PACRG: variants seen among roughly 807,000 people sequenced by gnomAD.
The protein encoded by PACRG is parkin coregulated gene protein.
PACRG carries 29 observed loss-of-function variants against 29.7 expected under a neutral mutation model. The observed-to-expected ratio is 0.98, with a 90% CI of 0.73 to 1.33. PACRG has a LOEUF of 1.33. PACRG is among the 40% of genes most tolerant of loss of function. The pLI is 0.00. For synonymous variants in PACRG, 116 were observed against 118.7 expected, an observed-to-expected ratio of 0.98 and a Z score of 0.15; for missense variants, 279 against 316.2, an observed-to-expected ratio of 0.88 and a Z score of 0.89.
rs557120318 is a variant in PACRG, at chr6:163,050,108, T to G, written c.292-12042T>G. ...ATTCACAAACACTTTTTATTATTGCTTACATATTTGGATCCATTCTACGTA... is the reference window on the plus strand; with the variant it reads ...ATTCACAAACACTTTTTATTATTGCGTACATATTTGGATCCATTCTACGTA... On this transcript the variant is annotated intron_variant, in intron 2 of 4. Transcript: ENST00000366888. 9.2e-5 allele frequency among the ~76,000 whole-genome samples: 14 copies of G among 152,274 alleles called. 1 individual carries two copies. In the South Asian group the frequency reaches 2.7e-3, roughly 29 times the overall value.
At chr6:162,856,001 G>A (rs1396153045) in intron 2 of PACRG, among the ~76,000 whole-genome samples, 1 of 152,164 alleles carries the variant, frequency 6.6e-6, no homozygotes, top group Non-Finnish European at 1.5e-5. Context: ...TTGACCGGGA[G>A]GGCCACTTAT....
chr6:163,088,699 A>AT (rs574055257), intron 3 of PACRG, among the ~76,000 whole-genome samples: 159 of 151,332 alleles, frequency 1.1e-3, no homozygotes, highest in Non-Finnish European at 2.0e-3. Flanking sequence ...ACTTTAAAAA[A>AT]TTTTGCTTTT....
chr6:163,166,340 T>C, intron 4 of PACRG: 1 of 396,260 alleles, frequency 2.5e-6, no homozygotes, highest in Non-Finnish European at 5.1e-6. Context: ...ATTATTTTGT[T>C]AATTGGTATA....
intron 2 of PACRG, among the ~76,000 whole-genome samples, chr6:162,924,656 T>A: frequency 6.6e-6 from 1 of 152,100 alleles, no homozygotes; most frequent in East Asian, 1.9e-4. Context: ...ATAATACAGT[T>A]TTTGTCCTTC....
At chr6:162,970,006 C>A (rs1324475791) in intron 2 of PACRG, among the ~76,000 whole-genome samples, 1 of 152,080 alleles carries the variant, frequency 6.6e-6, no homozygotes, top group East Asian at 1.9e-4. Flanking sequence ...GCTGATAGGC[C>A]GGGTGCAGTA....
chr6:162,887,956 T>TG, intron 2 of PACRG, among the ~76,000 whole-genome samples: 1 of 152,284 alleles, frequency 6.6e-6, no homozygotes, highest in African/African-American at 2.4e-5. Flanking sequence ...CTCCCGGTTC[T>TG]GGGGGTGGTA....
chr6:162,860,590 CA>C lies in PACRG; in HGVS notation c.291+46310del, dbSNP rs1455205217. 5.9e-5 allele frequency among the ~76,000 whole-genome samples: 9 copies of C among 152,272 alleles called. No individual in the cohort carries two copies. The East Asian group carries it at 1.2e-3, about 20-fold the overall frequency. ...GCTATTATTTTATCTGCCCAAAATA[CA>C]GATTTTCTAGGATTTGACAGTATAA... On this transcript the variant is annotated intron_variant, in intron 2 of 4. Transcript: ENST00000366888.
intron 2 of PACRG, among the ~76,000 whole-genome samples, chr6:163,005,944 G>A (rs1805044601): frequency 1.4e-5 from 2 of 139,686 alleles, no homozygotes. Flanking sequence ...ATGTATAACA[G>A]TTATACATGT....
intron 4 of PACRG, among the ~76,000 whole-genome samples, chr6:163,298,422 C>T (rs1784865588): frequency 1.3e-5 from 2 of 152,200 alleles, no homozygotes; most frequent in African/African-American, 4.8e-5. Flanking sequence ...AAGCAGGCAC[C>T]CGTATGTGTT....
At chr6:163,278,971 A>T (rs566908362) in intron 4 of PACRG, among the ~76,000 whole-genome samples, 1 of 152,262 alleles carries the variant, frequency 6.6e-6, no homozygotes, top group South Asian at 2.1e-4. Context: ...TGAGCATGGG[A>T]TGTATTTCCA....
chr6:163,098,645 T>C (rs1170512718), intron 4 of PACRG, among the ~76,000 whole-genome samples: 2 of 152,162 alleles, frequency 1.3e-5, no homozygotes, highest in East Asian at 3.9e-4. Flanking sequence ...GAGAGCATTC[T>C]TGGATCTCAC....
chr6:163,307,154 G>A (rs1341327818), intron 4 of PACRG, among the ~76,000 whole-genome samples: 1 of 152,180 alleles, frequency 6.6e-6, no homozygotes, highest in East Asian at 1.9e-4. Flanking sequence ...CATTGTCTAT[G>A]TGAGGGAAAT....
At chr6:163,125,141 T>C (rs899616034) in intron 4 of PACRG, among the ~76,000 whole-genome samples, 1 of 152,166 alleles carries the variant, frequency 6.6e-6, no homozygotes, top group Non-Finnish European at 1.5e-5. Context: ...ATATTTTAAA[T>C]CAGCAAGGAA....
intron 2 of PACRG, among the ~76,000 whole-genome samples, chr6:162,881,874 G>A (rs1374795874): frequency 1.4e-5 from 2 of 140,902 alleles, no homozygotes; most frequent in Non-Finnish European, 3.0e-5. Flanking sequence ...AGACCAGGGG[G>A]CGCTCTCCAC....
intron 4 of PACRG, among the ~76,000 whole-genome samples, chr6:163,196,924 CAGATAGAT>C (rs10559182): frequency 0.066 from 9,561 of 145,016 alleles, 385 homozygotes; most frequent in African/African-American, 0.13. Context: ...ACAGACTAGA[CAGATAGAT>C]AGATAGATAG....
chr6:163,133,616 A>C (rs139366055), intron 4 of PACRG, among the ~76,000 whole-genome samples: 2 of 152,196 alleles, frequency 1.3e-5, no homozygotes, highest in Non-Finnish European at 2.9e-5. Flanking sequence ...TCTGTGCCAC[A>C]AGCAAAGAGA....
chr6:163,093,997 T>A (rs568909480), intron 4 of PACRG, among the ~76,000 whole-genome samples: 1 of 152,320 alleles, frequency 6.6e-6, no homozygotes, highest in South Asian at 2.1e-4. Flanking sequence ...GATCATCTTT[T>A]AAAACAACTT....
intron 2 of PACRG, among the ~76,000 whole-genome samples, chr6:162,994,192 A>T (rs1803733846): frequency 7.8e-6 from 1 of 128,284 alleles, no homozygotes; most frequent in African/African-American, 3.5e-5. Context: ...CTTCATTTCA[A>T]CTTTGGTGAA....
rs73593764 is a variant in PACRG at position 163,116,768 on chromosome 6, A to T, written c.613+27360A>T. 5.2e-3 allele frequency among the ~76,000 whole-genome samples: 787 copies of T among 152,332 alleles called. 9 individuals carry two copies. Among genetic ancestry groups the T allele is most frequent in the African/African-American group, 0.018 (764 of 41,578 alleles). ...TGGCACCTTAAAATCAGCAAGACTG[A>T]AGAGTTCATTAAGTATGGGCTGCAG... On this transcript the variant is annotated intron_variant, in intron 4 of 4. Transcript: ENST00000366888.
Sources: allele counts gnomAD v4.1 joint callset (sites outside exome capture counted in the v4.1 genomes callset), GRCh38; gene constraint gnomAD v4.1.1; transcripts MANE v1.5; gene names NCBI Gene and HGNC (gene_info 2026-07-23, HGNC 2026-07-21).